The following MEIS3 variants were observed in gnomAD, a reference collection of about 807,000 sequenced individuals.
MEIS3 encodes the protein homeobox protein Meis3.
A neutral mutation model predicts 51.4 loss-of-function variants in MEIS3; 38 were observed. That is an observed-to-expected ratio of 0.74 (90% confidence interval 0.57 to 0.97). The LOEUF (loss-of-function observed/expected upper bound fraction) is 0.97. Ranked by LOEUF, MEIS3 falls within the 50% of genes least tolerant of loss-of-function variation. MEIS3 has a pLI of 0.00. For missense variants in MEIS3, 456 were observed against 502.6 expected (o/e 0.91, Z 0.89); for synonymous variants, 198 against 201.8 (o/e 0.98, Z 0.16).
chr19:47,408,057 G>A (rs552170666), intron 8 of MEIS3, among the ~76,000 whole-genome samples: 25 of 152,018 alleles, frequency 1.6e-4, no homozygotes, highest in Non-Finnish European at 2.9e-4. Context: ...CGCCCGCCTC[G>A]GCCTCCCAAA....
rs200238695 is a variant in MEIS3 at position 47,416,643 on chromosome 19, G to C, written c.396+9C>G. 833 of 1,523,118 alleles carry C rather than the reference G, an allele frequency of 5.5e-4. 4 individuals carry two copies. The African/African-American group carries it at 0.01, about 19-fold the overall frequency. The allele number at this position is 1,523,118 out of a possible 1,614,324, so 94.4% of individuals were successfully genotyped here. On this transcript the variant is annotated intron_variant, in intron 4 of 12. Transcript: ENST00000558555. ...GAGGAGGGGGTGTGGGGGAGGGCTC[G>C]GGTCTCACCAGATTGTCCAGTTCTG...
At position 47,409,553 on chromosome 19, in the gene MEIS3, A is replaced by G. The variant is rs772169957; in HGVS notation, c.598-6T>C. On this transcript the variant is annotated splice_region_variant and splice_polypyrimidine_tract_variant and intron_variant, in intron 6 of 12. Coordinates refer to ENST00000558555, the MANE Select transcript of MEIS3 (RefSeq NM_001301059.2). ...TCTCGAATCCACATATTATTCTAGA[A>G]AACAAGAGTTAGAAGTTAGTGCCAA... is the stretch of plus-strand genomic sequence containing the variant. The G allele has an allele frequency of 1.2e-6, 2 of 1,609,396 alleles. No homozygotes were observed. The highest frequency in any genetic ancestry group is 2.2e-5 in the South Asian group (2 of 90,992).
upstream of MEIS3, among the ~76,000 whole-genome samples, chr19:47,421,096 G>A (rs922164441): frequency 3.3e-5 from 5 of 151,898 alleles, no homozygotes; most frequent in Non-Finnish European, 5.9e-5. Context: ...GCTGCCTGTC[G>A]GCTCTTCGAG....
At chr19:47,409,626 G>A in intron 6 of MEIS3, 79 bp from the exon 7 acceptor site, 1 of 898,960 alleles carries the variant, frequency 1.1e-6, no homozygotes, top group South Asian at 1.4e-5. Flanking sequence ...CACTTTGGGA[G>A]GCCAAGGCAG....
chr19:47,420,934 ACACACACTCTCTCTCTCT>A (rs1971690896), upstream of MEIS3, among the ~76,000 whole-genome samples: 1 of 103,496 alleles, frequency 9.7e-6, no homozygotes, highest in African/African-American at 5.1e-5. Flanking sequence ...ACACACACAC[ACACACACTCTCTCTCTCT>A]CTCTCTCTCT....
intron 4 of MEIS3, among the ~76,000 whole-genome samples, chr19:47,415,369 C>T (rs1175061823): frequency 2.0e-5 from 3 of 151,976 alleles, no homozygotes; most frequent in African/African-American, 4.8e-5. Context: ...CCATCACAAG[C>T]GGGGAGAGCT....
At position 47,409,426 on chromosome 19, in the gene MEIS3, A is replaced by C; in HGVS notation, c.709+10T>G. The C allele has an allele frequency of 6.2e-7, 1 of 1,609,986 alleles. No homozygotes were observed. Among genetic ancestry groups the C allele is most frequent in the Non-Finnish European group, 8.5e-7 (1 of 1,176,434 alleles). On this transcript the variant is annotated intron_variant, in intron 7 of 12. Coordinates refer to ENST00000558555, the MANE Select transcript of MEIS3 (RefSeq NM_001301059.2). ...TCCCATGTTTCCCTTCCACCTCCCA[A>C]GATTCTCACCTTGGTCACTGGAGTT...
chr19:47,413,397 C>CA (rs879067578), intron 6 of MEIS3, among the ~76,000 whole-genome samples: 230 of 127,074 alleles, frequency 1.8e-3, no homozygotes, highest in South Asian at 3.3e-3. Context: ...GACTCCATCT[C>CA]AAAAAAAAAA....
chr19:47,416,755 C>G (rs760932553), intron 3 of MEIS3, 49 bp downstream of exon 3: 2 of 1,612,786 alleles, frequency 1.2e-6, no homozygotes, highest in East Asian at 4.5e-5. Context: ...CCACCCACCC[C>G]TCCTCGCTGG....
At chr19:47,420,940 A>ACACACACACT (rs1187725467), upstream of MEIS3, among the ~76,000 whole-genome samples, 58 of 90,976 alleles carry the variant, frequency 6.4e-4, 1 homozygote, top group Non-Finnish European at 8.2e-4. Context: ...ACACACACAC[A>ACACACACACT]CTCTCTCTCT....
rs770700446 is a variant in MEIS3, at chr19:47,414,966, G to A, written c.447+85C>T. The A allele has an allele frequency of 4.1e-6, 4 of 976,042 alleles. No individual in the cohort carries two copies. In the East Asian group the frequency reaches 1.9e-4, roughly 47 times the overall value. The allele number at this position is 976,042 out of a possible 1,614,324, so 60.5% of individuals were successfully genotyped here. On this transcript the variant is annotated intron_variant, in intron 5 of 12. Transcript: ENST00000558555. ...TTCTGCTTCAACTCCGGTGGGGAGA[G>A]AGCTGGAAGGTGGGGGGCAGAGGCG...
At chr19:47,415,509 G>A (rs1194023209) in intron 4 of MEIS3, among the ~76,000 whole-genome samples, 1 of 151,618 alleles carries the variant, frequency 6.6e-6, no homozygotes, top group Non-Finnish European at 1.5e-5. Context: ...GCCCTGGCAA[G>A]AGCTTGGGGA....
intron 12 of MEIS3, 184 bp downstream of exon 12, chr19:47,406,276 T>G: frequency 2.8e-6 from 1 of 356,172 alleles, no homozygotes; most frequent in Non-Finnish European, 4.9e-6. Context: ...AGGAGGAGGA[T>G]GGATGGATGG....
intron 4 of MEIS3, among the ~76,000 whole-genome samples, chr19:47,415,625 A>G (rs1321069088): frequency 2.8e-5 from 4 of 145,034 alleles, no homozygotes; most frequent in Non-Finnish European, 6.0e-5. Context: ...CCAGGCTGGA[A>G]TGCAGTGGTG....
chr19:47,416,993 G>T, intron 2 of MEIS3, 30 bp from the exon 3 acceptor site: 1 of 1,555,482 alleles, frequency 6.4e-7, no homozygotes. Flanking sequence ...GAGAGGTTGA[G>T]GGAGAGGCTG....
Position 47,415,124 on chromosome 19 carries a change from G to A in MEIS3, c.397-23C>T, listed in dbSNP as rs756602076. On this transcript the variant is annotated intron_variant, in intron 4 of 12. Transcript: ENST00000558555. ...CATCTGAAAACGTGGGCGGGAGGTG[G>A]GGGGAGACAGAGGGAATTGGGGGAG... 1.4e-5 allele frequency: 21 copies of A among 1,484,388 alleles called. No individual in the cohort carries two copies. The South Asian group carries it at 1.8e-4, about 13-fold the overall frequency. 92.0% of individuals were successfully genotyped at this position (1,484,388 alleles called of 1,614,324 possible).
chr19:47,406,883 CT>C lies in MEIS3; in HGVS notation c.1078+4del. 6.4e-7 allele frequency: 1 copy of C among 1,566,694 alleles called. No individual in the cohort carries two copies. Among genetic ancestry groups the C allele is most frequent in the East Asian group, 2.3e-5 (1 of 42,782 alleles). The stretch of plus-strand genomic sequence containing the variant: ...GCGGGGCCTAGCTAAGGGGGCGAGG[CT>C]TACCCGGAGGCCGGACGGCCACGTG... On this transcript the variant is annotated splice_donor_region_variant and intron_variant, in intron 11 of 12. Transcript: ENST00000558555.
intron 1 of MEIS3, chr19:47,417,608 A>C (rs1261962994): frequency 5.7e-6 from 4 of 703,342 alleles, no homozygotes; most frequent in South Asian, 4.4e-5. Flanking sequence ...GAGAGACGGC[A>C]GGGTCTGGCT....
intron 1 of MEIS3, 44 bp downstream of exon 1, chr19:47,419,026 G>T (rs1409644982): frequency 1.6e-5 from 20 of 1,234,254 alleles, no homozygotes; most frequent in Non-Finnish European, 2.0e-5. Context: ...GGGACAGGGG[G>T]TGCGGAAGCG....
Sources: gnomAD v4.1 joint callset for allele counts (sites outside exome capture counted in the v4.1 genomes callset) on GRCh38, gnomAD v4.1.1 for gene constraint, MANE v1.5 for transcripts, NCBI Gene and HGNC (gene_info 2026-07-23, HGNC 2026-07-21) for gene names.